SPAG1: variants seen among roughly 807,000 people sequenced by gnomAD.
SPAG1 encodes the protein sperm associated antigen 1, also known as sperm-associated antigen 1.
SPAG1 carries 69 observed loss-of-function variants against 100.5 expected under a neutral mutation model. The observed-to-expected ratio is 0.69, with a 90% CI of 0.57 to 0.84. SPAG1 has a LOEUF of 0.84. Among genes scored for constraint, SPAG1 ranks in the 40% least tolerant of loss-of-function variants. The pLI is 0.00. For synonymous variants in SPAG1, 336 were observed against 411.6 expected (o/e 0.82, Z 2.22); for missense variants, 955 against 1,133.1 (o/e 0.84, Z 2.26).
chr8:100,202,582 C>T (rs1277663929), intron 10 of SPAG1, among the ~76,000 whole-genome samples: 5 of 150,170 alleles, frequency 3.3e-5, no homozygotes, highest in African/African-American at 7.3e-5. Flanking sequence ...TGGTAGCGGG[C>T]GCCTGTAGTC....
At chr8:100,215,726 G>A (rs1447541040) in intron 12 of SPAG1, among the ~76,000 whole-genome samples, 1 of 152,078 alleles carries the variant, frequency 6.6e-6, no homozygotes, top group Non-Finnish European at 1.5e-5. Flanking sequence ...GGGTTTCACA[G>A]TGTTAGCCAG....
Position 100,240,913 on chromosome 8 carries a change from A to T in SPAG1, c.2672A>T (p.Lys891Met). The T allele has an allele frequency of 6.2e-7, 1 of 1,606,382 alleles. No homozygotes were observed. The highest frequency in any genetic ancestry group is 1.3e-5 in the African/African-American group (1 of 74,460). ...TAGATGATGTTGACACTAATTAGCA[A>T]GGGCCAAAAGGAGCTAATTGAACAG... The part of the protein sequence containing the change: ...RFKMMLTLIS[K>M]GQKELIEQLF... The change falls in exon 19 of 19, where the codon AAG (lysine) becomes ATG (methionine). Residue 891 changes from lysine (K) to methionine (M), a missense_variant. Coordinates refer to ENST00000388798, the MANE Select transcript of SPAG1 (RefSeq NM_003114.5).
In SPAG1 at chr8:100,174,970, CTTT is replaced by C. The variant is rs71274961; in HGVS notation, c.301-2832_301-2830del. On this transcript the variant is annotated intron_variant, in intron 3 of 18. Transcript: ENST00000388798. Reference sequence around the variant, plus strand: ...CTAGCAGGGATTTATTATTTCATGGCTTTTTTTTTTTTTTTTCTTAGAGATGGG... The same window carrying C: ...CTAGCAGGGATTTATTATTTCATGGCTTTTTTTTTTTTTCTTAGAGATGGG... Among the ~76,000 whole-genome samples the C allele has an allele frequency of 4.1e-3, 557 of 136,332 alleles. 1 individual carries two copies. The highest frequency in any genetic ancestry group is 9.8e-3 in the African/African-American group (358 of 36,454). The allele number at this position is 136,332 out of a possible 152,430, so 89.4% of individuals were successfully genotyped here.
intron 10 of SPAG1, among the ~76,000 whole-genome samples, chr8:100,205,412 A>G (rs143453385): frequency 2.4e-4 from 37 of 152,340 alleles, no homozygotes; most frequent in Non-Finnish European, 4.1e-4. Context: ...CAGGTAAAGT[A>G]TGGACTTAGG....
At chr8:100,234,435 T>C (rs1369541860) in intron 16 of SPAG1, among the ~76,000 whole-genome samples, 2 of 152,188 alleles carry the variant, frequency 1.3e-5, no homozygotes, top group Non-Finnish European at 2.9e-5. Flanking sequence ...CCTCCACCCC[T>C]ACCCTCAGGC....
At chr8:100,185,754 AT>A (rs1563781204) in intron 7 of SPAG1, among the ~76,000 whole-genome samples, 1 of 152,168 alleles carries the variant, frequency 6.6e-6, no homozygotes, top group Admixed American at 6.6e-5. Context: ...AATAAGATAG[AT>A]TTTTTTCAAT....
intron 2 of SPAG1, chr8:100,165,134 G>T: frequency 2.6e-6 from 1 of 390,698 alleles, no homozygotes; most frequent in South Asian, 2.0e-5. Flanking sequence ...TTTTCATAGT[G>T]TGTTAAATGC....
At chr8:100,188,188 G>A (rs950548155) in intron 8 of SPAG1, among the ~76,000 whole-genome samples, 1 of 151,912 alleles carries the variant, frequency 6.6e-6, no homozygotes, top group South Asian at 2.1e-4. Context: ...GTCTCACTCT[G>A]TCACCCAGCC....
intron 10 of SPAG1, among the ~76,000 whole-genome samples, chr8:100,194,970 G>A (rs144672508): frequency 0.059 from 8,921 of 151,996 alleles, 766 homozygotes; most frequent in African/African-American, 0.18. Flanking sequence ...TTCAAGACCA[G>A]CCTGGCCAAC....
At chr8:100,196,888 C>G (rs1817055018) in intron 10 of SPAG1, among the ~76,000 whole-genome samples, 1 of 151,624 alleles carries the variant, frequency 6.6e-6, no homozygotes, top group Non-Finnish European at 1.5e-5. Flanking sequence ...TTATTTTCTT[C>G]CTTCTGCTTG....
chr8:100,223,801 C>A (rs1214819964), intron 13 of SPAG1, among the ~76,000 whole-genome samples: 1 of 151,442 alleles, frequency 6.6e-6, no homozygotes, highest in Admixed American at 6.6e-5. Flanking sequence ...ACTTCTTTTT[C>A]TTCTGCAATT....
intron 3 of SPAG1, among the ~76,000 whole-genome samples, chr8:100,172,765 A>C (rs997502304): frequency 1.1e-4 from 16 of 152,022 alleles, no homozygotes; most frequent in African/African-American, 3.4e-4. Context: ...TATTTTATTT[A>C]TATTTTTCTG....
intron 2 of SPAG1, 196 bp from the exon 3 acceptor site, chr8:100,165,618 C>T: frequency 1.9e-6 from 1 of 518,398 alleles, no homozygotes; most frequent in Non-Finnish European, 3.4e-6. Context: ...TTTGGAGTTC[C>T]TTTTTTTCTT....
At chr8:100,231,687 C>T (rs1037244449) in intron 15 of SPAG1, among the ~76,000 whole-genome samples, 3 of 152,138 alleles carry the variant, frequency 2.0e-5, no homozygotes, top group African/African-American at 7.2e-5. Context: ...TGGCTGGGCA[C>T]GGTGGCTCAC....
intron 12 of SPAG1, among the ~76,000 whole-genome samples, chr8:100,214,925 A>G (rs546757524): frequency 7.5e-5 from 11 of 147,304 alleles, no homozygotes; most frequent in African/African-American, 2.8e-4. Flanking sequence ...TGTTGCAGTG[A>G]GCAGAGATGC....
chr8:100,177,768 G>T (rs1283349517), intron 3 of SPAG1, 48 bp from the exon 4 acceptor site: 1 of 1,134,652 alleles, frequency 8.8e-7, no homozygotes, highest in Non-Finnish European at 1.3e-6. Context: ...TCTTATGCTT[G>T]GTTATAATTA....
Position 100,213,391 on chromosome 8 carries a change from C to A in SPAG1, c.1398C>A (p.Gly466=). The change falls in exon 11 of 19, where the codon GGC becomes GGA. Residue 466 remains glycine, a synonymous_variant. Transcript: ENST00000388798. ...GCGGGCAGTTCGCCGAGGCGGCCGGCAAGTACTCGGCGGCAATCGCGCTCC... is the reference window on the plus strand; with the variant it reads ...GCGGGCAGTTCGCCGAGGCGGCCGGAAAGTACTCGGCGGCAATCGCGCTCC... ...FRSGQFAEAA[G]KYSAAIALLE... 1 of 1,450,170 alleles carries A rather than the reference C, an allele frequency of 6.9e-7. No homozygotes were observed. Among genetic ancestry groups the A allele is most frequent in the Non-Finnish European group, 9.1e-7 (1 of 1,099,962 alleles). 89.8% of individuals were successfully genotyped at this position (1,450,170 alleles called of 1,614,324 possible).
Position 100,213,399 on chromosome 8 carries a change from C to T in SPAG1, c.1406C>T (p.Ser469Leu). ...TTCGCCGAGGCGGCCGGCAAGTACT[C>T]GGCGGCAATCGCGCTCCTGGAGCCA... Reference protein sequence around the residue: ...GQFAEAAGKYSAAIALLEPAG... With the variant: ...GQFAEAAGKYLAAIALLEPAG... Residue 469 changes from serine (S) to leucine (L), a missense_variant, in exon 11 of 19, where the codon TCG (serine) becomes TTG (leucine). Ser to Leu is a moderately radical substitution (Grantham distance 145). Transcript: ENST00000388798. The T allele has an allele frequency of 6.9e-7, 1 of 1,441,360 alleles. No individual in the cohort carries two copies. 89.3% of individuals were successfully genotyped at this position (1,441,360 alleles called of 1,614,324 possible). A position where few individuals can be genotyped will look rare whatever the true frequency, so the allele number is the denominator to read the frequency against.
rs563059680 is a variant in SPAG1 at position 100,237,562 on chromosome 8, G to A, written c.2116-1678G>A. ...TTTTAATTGCTTCCCCTCATAGGAC[G>A]TAAGCTTCCATAAATGTAAAACTTA... On this transcript the variant is annotated intron_variant, in intron 16 of 18. Transcript: ENST00000388798. 3.9e-5 allele frequency among the ~76,000 whole-genome samples: 6 copies of A among 152,138 alleles called. No individual in the cohort carries two copies. The East Asian group carries it at 1.2e-3, about 29-fold the overall frequency.
Sources: gnomAD v4.1 joint callset for allele counts (sites outside exome capture counted in the v4.1 genomes callset) on GRCh38, gnomAD v4.1.1 for gene constraint, MANE v1.5 for transcripts, NCBI Gene and HGNC (gene_info 2026-07-23, HGNC 2026-07-21) for gene names.